Variants in KPNA1 observed in about 807,000 individuals in gnomAD.
KPNA1 encodes the protein importin subunit alpha-5.
Under a neutral mutation model 70.5 loss-of-function variants are expected in KPNA1, and 10 were observed. The ratio of observed to expected loss-of-function variants is 0.14; its 90% CI spans 0.09 to 0.24. The LOEUF (loss-of-function observed/expected upper bound fraction) is 0.24, where lower values mean the gene tolerates loss of function less well. Ranked by LOEUF, KPNA1 falls within the 10% of genes least tolerant of loss-of-function variation. The pLI is 1.00. For missense variants in KPNA1, 397 were observed against 637.9 expected, an observed-to-expected ratio of 0.62 and a Z score of 4.07; for synonymous variants, 192 against 221.9, an observed-to-expected ratio of 0.87 and a Z score of 1.20.
intron 2 of KPNA1, among the ~76,000 whole-genome samples, chr3:122,476,881 A>AAAAAAAAAAAAC (rs1560042634): frequency 3.3e-5 from 5 of 150,042 alleles, no homozygotes; most frequent in East Asian, 1.9e-4. Context: ...AAAAAAAAAA[A>AAAAAAAAAAAAC]AAACTAAAAA....
At chr3:122,504,242 T>C (rs1300448677) in intron 1 of KPNA1, among the ~76,000 whole-genome samples, 1 of 152,144 alleles carries the variant, frequency 6.6e-6, no homozygotes, top group Non-Finnish European at 1.5e-5. Flanking sequence ...AAAGTCCAAA[T>C]CAAGACCCTG....
Position 122,424,570 on chromosome 3 carries a change from G to A in KPNA1, c.*2415C>T, listed in dbSNP as rs557968559. 18 of 152,678 alleles carry A rather than the reference G, an allele frequency of 1.2e-4. No homozygotes were observed. Among genetic ancestry groups the A allele is most frequent in the Non-Finnish European group, 2.2e-4 (15 of 68,004 alleles). 9.5% of individuals were successfully genotyped at this position (152,678 alleles called of 1,614,324 possible). A position where few individuals can be genotyped will look rare whatever the true frequency, so the allele number is the denominator to read the frequency against. On this transcript the variant is annotated 3_prime_UTR_variant, in exon 14 of 14. Coordinates refer to ENST00000344337, the MANE Select transcript of KPNA1 (RefSeq NM_002264.4). ...CTGTTTTAGACACAAAATAGATCAC[G>A]TCAGTTAAATAGACTTTGTTTTAAT...
At chr3:122,469,328 G>A (rs1371136657) in intron 2 of KPNA1, among the ~76,000 whole-genome samples, 1 of 152,058 alleles carries the variant, frequency 6.6e-6, no homozygotes, top group Non-Finnish European at 1.5e-5. Flanking sequence ...CCACGAGCAG[G>A]AGACAAGATA....
At chr3:122,457,751 T>G in intron 5 of KPNA1, 1 of 1,289,422 alleles carries the variant, frequency 7.8e-7, no homozygotes, top group Non-Finnish European at 1.0e-6. Flanking sequence ...CCACTCCAGG[T>G]TGAGGTACGC....
intron 1 of KPNA1, among the ~76,000 whole-genome samples, chr3:122,505,535 T>C (rs1465640668): frequency 6.6e-6 from 1 of 152,204 alleles, no homozygotes; most frequent in Non-Finnish European, 1.5e-5. Context: ...CCTAAGCTAC[T>C]AATTAAAAAT....
chr3:122,512,313 A>C (rs1398866281), intron 1 of KPNA1, among the ~76,000 whole-genome samples: 1 of 152,216 alleles, frequency 6.6e-6, no homozygotes, highest in Non-Finnish European at 1.5e-5. Flanking sequence ...TCTTCATTAG[A>C]TATTAATGAA....
Position 122,425,906 on chromosome 3 carries a change from AC to A in KPNA1, c.*1078del, listed in dbSNP as rs2075817483. On this transcript the variant is annotated 3_prime_UTR_variant, in exon 14 of 14. Coordinates refer to ENST00000344337, the MANE Select transcript of KPNA1 (RefSeq NM_002264.4). ...CATGAAAAGATTAGAATCGAGCTGC[AC>A]CTAAGAAAAAAATCCCAAAGTTACT... The A allele has an allele frequency of 6.6e-6, 1 of 152,302 alleles. No homozygotes were observed. The highest frequency in any genetic ancestry group is 6.6e-5 in the Admixed American group (1 of 15,264). The allele number at this position is 152,302 out of a possible 1,614,324, so 9.4% of individuals were successfully genotyped here.
intron 10 of KPNA1, among the ~76,000 whole-genome samples, chr3:122,440,155 C>T: frequency 6.6e-6 from 1 of 152,126 alleles, no homozygotes; most frequent in East Asian, 1.9e-4. Context: ...GAAATAAACA[C>T]TGACATAATC....
chr3:122,433,570 T>G, intron 12 of KPNA1, 91 bp downstream of exon 12: 3 of 1,067,406 alleles, frequency 2.8e-6, no homozygotes, highest in Non-Finnish European at 3.9e-6. Context: ...AGCTAATCTT[T>G]TACTCTAGGT....
chr3:122,475,679 C>A (rs905884264), intron 2 of KPNA1, among the ~76,000 whole-genome samples: 3 of 152,108 alleles, frequency 2.0e-5, no homozygotes, highest in Admixed American at 2.0e-4. Flanking sequence ...ACTTTTAACT[C>A]CCCCACAGCC....
chr3:122,442,202 A>C, intron 9 of KPNA1, 86 bp from the exon 10 acceptor site: 1 of 1,023,846 alleles, frequency 9.8e-7, no homozygotes, highest in South Asian at 1.4e-5. Context: ...AAACAAAAAA[A>C]TTGTGATAGA....
At chr3:122,444,409 A>C (rs898314604) in intron 9 of KPNA1, among the ~76,000 whole-genome samples, 9 of 152,244 alleles carry the variant, frequency 5.9e-5, no homozygotes, top group African/African-American at 2.2e-4. Context: ...GGAAATTATA[A>C]GAGTATTGAC....
At chr3:122,439,455 G>C (rs1167275478) in intron 10 of KPNA1, among the ~76,000 whole-genome samples, 2 of 152,032 alleles carry the variant, frequency 1.3e-5, no homozygotes, top group Non-Finnish European at 2.9e-5. Context: ...CTCTCAAAAA[G>C]CTAGGAATAC....
chr3:122,480,535 C>T (rs888752590), intron 2 of KPNA1, among the ~76,000 whole-genome samples: 1 of 151,836 alleles, frequency 6.6e-6, no homozygotes, highest in Non-Finnish European at 1.5e-5. Flanking sequence ...ACAGACCAGT[C>T]CTATAAGAAA....
intron 2 of KPNA1, among the ~76,000 whole-genome samples, chr3:122,488,715 G>T (rs1270772965): frequency 6.6e-6 from 1 of 152,132 alleles, no homozygotes; most frequent in East Asian, 1.9e-4. Flanking sequence ...CTTCTGGCTT[G>T]TATTGTTTAC....
At chr3:122,470,643 G>T (rs2076431395) in intron 2 of KPNA1, among the ~76,000 whole-genome samples, 1 of 152,124 alleles carries the variant, frequency 6.6e-6, no homozygotes, top group Non-Finnish European at 1.5e-5. Context: ...TACACTACCT[G>T]TTAAAAGGTA....
intron 11 of KPNA1, among the ~76,000 whole-genome samples, chr3:122,435,935 G>A (rs910549724): frequency 1.1e-4 from 16 of 152,216 alleles, no homozygotes; most frequent in African/African-American, 3.9e-4. Context: ...GCGATGTTCA[G>A]GGAACAAGGG....
chr3:122,449,313 G>A (rs2107734451), intron 9 of KPNA1, among the ~76,000 whole-genome samples: 1 of 152,286 alleles, frequency 6.6e-6, no homozygotes, highest in South Asian at 2.1e-4. Context: ...CATCCAGTAT[G>A]AGCCTGGAAC....
intron 5 of KPNA1, among the ~76,000 whole-genome samples, chr3:122,456,443 A>T (rs2076265573): frequency 6.6e-6 from 1 of 152,226 alleles, no homozygotes; most frequent in South Asian, 2.1e-4. Context: ...ATGCAAAAGA[A>T]ATTATAATAA....
Sources: gnomAD v4.1 joint callset for allele counts (sites outside exome capture counted in the v4.1 genomes callset) on GRCh38, gnomAD v4.1.1 for gene constraint, MANE v1.5 for transcripts, NCBI Gene and HGNC (gene_info 2026-07-23, HGNC 2026-07-21) for gene names.